The following RUNX2 variants were observed in gnomAD, a reference collection of about 807,000 sequenced individuals.
RUNX2 encodes the protein RUNX family transcription factor 2.
A neutral mutation model predicts 51.7 loss-of-function variants in RUNX2; 10 were observed. The observed-to-expected ratio is 0.19, with a 90% CI of 0.12 to 0.33. The LOEUF (loss-of-function observed/expected upper bound fraction) is 0.33. Among genes scored for constraint, RUNX2 ranks in the 10% least tolerant of loss-of-function variants. RUNX2 has a pLI of 1.00. For missense variants in RUNX2, 562 were observed against 691.3 expected (o/e 0.81, Z 2.10); for synonymous variants, 276 against 273.6 (o/e 1.01, Z -0.09).
At chr6:45,422,503 C>A (rs1410543131) in intron 2 of RUNX2, 90 bp from the exon 3 acceptor site, 34 of 980,186 alleles carry the variant, frequency 3.5e-5, no homozygotes, top group Non-Finnish European at 4.7e-5. Flanking sequence ...TTCACCCCCC[C>A]AATTTCCTCC....
chr6:45,542,089 A>C (rs889449580), intron 7 of RUNX2, among the ~76,000 whole-genome samples: 2 of 152,142 alleles, frequency 1.3e-5, no homozygotes, highest in African/African-American at 4.8e-5. Flanking sequence ...ATTCGAAAAC[A>C]GTGTGTGAAA....
At chr6:45,448,014 C>A (rs1333105387) in intron 5 of RUNX2, among the ~76,000 whole-genome samples, 5 of 152,120 alleles carry the variant, frequency 3.3e-5, no homozygotes, top group Admixed American at 1.3e-4. Context: ...ATCAGGTTAG[C>A]TGGAGTAGTA....
intron 2 of RUNX2, among the ~76,000 whole-genome samples, chr6:45,378,125 C>A: frequency 6.6e-6 from 1 of 152,134 alleles, no homozygotes; most frequent in East Asian, 1.9e-4. Flanking sequence ...GGGGGCGGGG[C>A]GTTGTGCGCG....
chr6:45,478,245 G>T (rs1458406302), intron 5 of RUNX2, among the ~76,000 whole-genome samples: 1 of 152,020 alleles, frequency 6.6e-6, no homozygotes, highest in Non-Finnish European at 1.5e-5. Flanking sequence ...CCAGTATACC[G>T]TGAGCACCCT....
At chr6:45,390,359 C>A (rs1396397108) in intron 2 of RUNX2, among the ~76,000 whole-genome samples, 1 of 152,194 alleles carries the variant, frequency 6.6e-6, no homozygotes, top group African/African-American at 2.4e-5. Context: ...GAGGTTCAGG[C>A]CGTCTTCCTT....
intron 5 of RUNX2, among the ~76,000 whole-genome samples, chr6:45,460,663 G>A (rs1799449393): frequency 6.6e-6 from 1 of 152,026 alleles, no homozygotes; most frequent in African/African-American, 2.4e-5. Context: ...GGAGGCTGAG[G>A]CAGGAGGATC....
At chr6:45,505,691 C>T (rs1800945259) in intron 6 of RUNX2, among the ~76,000 whole-genome samples, 1 of 152,196 alleles carries the variant, frequency 6.6e-6, no homozygotes, top group Non-Finnish European at 1.5e-5. Flanking sequence ...TCCCAACTAG[C>T]ATTTTTGAGC....
chr6:45,452,788 T>A (rs901726457), intron 5 of RUNX2, among the ~76,000 whole-genome samples: 1 of 152,050 alleles, frequency 6.6e-6, no homozygotes, highest in African/African-American at 2.4e-5. Flanking sequence ...TCGAAACAGG[T>A]GACACAACAA....
intron 2 of RUNX2, among the ~76,000 whole-genome samples, chr6:45,373,866 A>T (rs959107433): frequency 2.6e-5 from 4 of 152,162 alleles, no homozygotes; most frequent in African/African-American, 7.2e-5. Context: ...GACTTACAAT[A>T]TTATTTGTAA....
intron 2 of RUNX2, among the ~76,000 whole-genome samples, chr6:45,420,829 C>T (rs1254191743): frequency 6.6e-6 from 1 of 152,160 alleles, no homozygotes; most frequent in Non-Finnish European, 1.5e-5. Flanking sequence ...GAGTTTGAGG[C>T]TGGTCGTAGA....
intron 2 of RUNX2, among the ~76,000 whole-genome samples, chr6:45,381,534 C>A (rs1304467271): frequency 6.6e-6 from 1 of 151,896 alleles, no homozygotes; most frequent in Non-Finnish European, 1.5e-5. Context: ...CTCAAGCAAT[C>A]CTTCCACCTC....
In RUNX2 at chr6:45,532,162, ATTTTTTT is replaced by A. The variant is rs3055521; in HGVS notation, c.1022-13036_1022-13030del. On this transcript the variant is annotated intron_variant, in intron 7 of 8. Coordinates refer to ENST00000647337, the MANE Select transcript of RUNX2 (RefSeq NM_001024630.4). ...GACATTTTGTACATAGAAAACCTAG[ATTTTTTT>A]TTTTTTTTTTTTTTTTTTGCACATT... Among the ~76,000 whole-genome samples, 426 of 85,130 alleles carry A rather than the reference ATTTTTTT, an allele frequency of 5.0e-3. 3 individuals are homozygous for A. The highest frequency in any genetic ancestry group is 8.8e-3 in the Middle Eastern group (1 of 114). 55.8% of individuals were successfully genotyped at this position (85,130 alleles called of 152,430 possible).
intron 2 of RUNX2, among the ~76,000 whole-genome samples, chr6:45,380,392 T>G (rs1272279288): frequency 6.6e-6 from 1 of 152,228 alleles, no homozygotes; most frequent in Non-Finnish European, 1.5e-5. Flanking sequence ...TAGCGTAGAC[T>G]TTAACGTTCC....
intron 5 of RUNX2, among the ~76,000 whole-genome samples, chr6:45,472,728 G>A (rs1323315716): frequency 2.0e-5 from 3 of 152,074 alleles, no homozygotes; most frequent in Non-Finnish European, 2.9e-5. Context: ...AAGAGTATTC[G>A]TGATTTTGGT....
chr6:45,392,254 C>T (rs1458967412), intron 2 of RUNX2, among the ~76,000 whole-genome samples: 1 of 152,088 alleles, frequency 6.6e-6, no homozygotes, highest in South Asian at 2.1e-4. Flanking sequence ...CCTGTAATCC[C>T]AGCACTTTGA....
intron 2 of RUNX2, among the ~76,000 whole-genome samples, chr6:45,395,818 C>T (rs933032371): frequency 1.2e-4 from 18 of 152,196 alleles, no homozygotes; most frequent in Admixed American, 3.3e-4. Context: ...GCATGTGACA[C>T]GACACCCAGC....
At chr6:45,459,723 A>G (rs574964678) in intron 5 of RUNX2, among the ~76,000 whole-genome samples, 2 of 152,328 alleles carry the variant, frequency 1.3e-5, no homozygotes, top group South Asian at 2.1e-4. Flanking sequence ...AAATGAATAT[A>G]TATAATATGC....
intron 7 of RUNX2, chr6:45,513,703 A>ATGGT (rs1801233247): frequency 6.6e-6 from 1 of 152,158 alleles, no homozygotes; most frequent in Admixed American, 6.5e-5. Context: ...GGTTTTTTGG[A>ATGGT]AAACCATGTT....
At chr6:45,442,721 A>G (rs577593195) in intron 5 of RUNX2, among the ~76,000 whole-genome samples, 45 of 152,206 alleles carry the variant, frequency 3.0e-4, no homozygotes, top group African/African-American at 1.0e-3. Context: ...CTGTGGGTTG[A>G]TTGGGGTTCA....
Sources: gnomAD v4.1 joint callset for allele counts (sites outside exome capture counted in the v4.1 genomes callset) on GRCh38, gnomAD v4.1.1 for gene constraint, MANE v1.5 for transcripts, NCBI Gene and HGNC (gene_info 2026-07-23, HGNC 2026-07-21) for gene names.